Variants in CTNNA3 observed in about 807,000 individuals in gnomAD.
CTNNA3 encodes catenin alpha-3.
In CTNNA3, 76 loss-of-function variants were observed where a neutral mutation model predicts 95.7. That is an observed-to-expected ratio of 0.79 (90% CI 0.66 to 0.96). The LOEUF (loss-of-function observed/expected upper bound fraction) is 0.96, where lower values mean the gene tolerates loss of function less well. Ranked by LOEUF, CTNNA3 falls within the 40% of genes least tolerant of loss-of-function variation. The pLI, the probability that CTNNA3 is intolerant of heterozygous loss-of-function variation, is 0.00. For missense variants in CTNNA3, 1,191 were observed against 1,089.8 expected, an observed-to-expected ratio of 1.09 and a Z score of -1.31; for synonymous variants, 431 against 374.4, an observed-to-expected ratio of 1.15 and a Z score of -1.74.
intron 10 of CTNNA3, among the ~76,000 whole-genome samples, chr10:66,522,629 T>C (rs76437271): frequency 0.026 from 3,998 of 152,030 alleles, 180 homozygotes; most frequent in African/African-American, 0.091. Context: ...TGTGGAGCTG[T>C]GGGTCAATTA....
At chr10:65,974,935 T>C (rs551779572) in intron 16 of CTNNA3, among the ~76,000 whole-genome samples, 1 of 152,292 alleles carries the variant, frequency 6.6e-6, no homozygotes, top group Non-Finnish European at 1.5e-5. Context: ...TCTAATGACC[T>C]AAACTGCAAA....
intron 9 of CTNNA3, among the ~76,000 whole-genome samples, chr10:66,765,900 A>T (rs1335775750): frequency 6.6e-6 from 1 of 152,190 alleles, no homozygotes; most frequent in Non-Finnish European, 1.5e-5. Context: ...ATGACTTGAA[A>T]GGCTGACAGA....
intron 5 of CTNNA3, among the ~76,000 whole-genome samples, chr10:67,518,214 T>A (rs942053830): frequency 3.9e-5 from 6 of 152,088 alleles, no homozygotes; most frequent in African/African-American, 1.4e-4. Context: ...GAGTATATCA[T>A]CAATCAAATG....
At chr10:66,368,391 C>T (rs952246063) in intron 12 of CTNNA3, among the ~76,000 whole-genome samples, 6 of 151,922 alleles carry the variant, frequency 3.9e-5, no homozygotes, top group Admixed American at 6.6e-5. Context: ...ATGTTTCCAG[C>T]TGCTTTCTAT....
chr10:67,230,918 G>A (rs930768972), intron 5 of CTNNA3, among the ~76,000 whole-genome samples: 7 of 152,188 alleles, frequency 4.6e-5, no homozygotes, highest in South Asian at 2.1e-4. Context: ...GTGACAGACC[G>A]CACCTGGAAG....
intron 13 of CTNNA3, among the ~76,000 whole-genome samples, chr10:66,257,470 G>A (rs979644408): frequency 6.6e-6 from 1 of 152,124 alleles, no homozygotes; most frequent in Admixed American, 6.5e-5. Flanking sequence ...AAAATTACAT[G>A]CTAATTTACA....
chr10:66,255,244 C>T lies in CTNNA3; in HGVS notation c.1884+25226G>A, dbSNP rs115257341. Among the ~76,000 whole-genome samples, 272 of 152,286 alleles carry T rather than the reference C, an allele frequency of 1.8e-3. 2 individuals carry two copies. Among genetic ancestry groups the T allele is most frequent in the African/African-American group, 6.4e-3 (266 of 41,562 alleles). On this transcript the variant is annotated intron_variant, in intron 13 of 17. Transcript: ENST00000433211. ...GGGTAGGCCCTCTATCCATGGTAGG[C>T]ACCCCCAGATAGAGTGAGCAAAGGG...
intron 5 of CTNNA3, among the ~76,000 whole-genome samples, chr10:67,456,951 C>A (rs1847196297): frequency 1.3e-5 from 2 of 152,038 alleles, no homozygotes; most frequent in Admixed American, 1.3e-4. Context: ...AAAAACATAT[C>A]CTGGATTATT....
chr10:67,369,627 G>A (rs1470368641), intron 5 of CTNNA3, among the ~76,000 whole-genome samples: 1 of 152,006 alleles, frequency 6.6e-6, no homozygotes, highest in Non-Finnish European at 1.5e-5. Flanking sequence ...TATTTTAAAA[G>A]CTCCTAAAAA....
chr10:66,419,514 ATT>A (rs1230285683), intron 11 of CTNNA3, among the ~76,000 whole-genome samples: 1 of 152,130 alleles, frequency 6.6e-6, no homozygotes, highest in Non-Finnish European at 1.5e-5. Context: ...CACTAATGCC[ATT>A]TTTCACAGAA....
chr10:67,588,538 G>A (rs1241560762), intron 3 of CTNNA3, among the ~76,000 whole-genome samples: 6 of 151,704 alleles, frequency 4.0e-5, no homozygotes, highest in African/African-American at 1.5e-4. Flanking sequence ...TATGGGGGGG[G>A]GACTGGATTG....
At chr10:66,851,907 C>T (rs952467725) in intron 7 of CTNNA3, among the ~76,000 whole-genome samples, 12 of 152,058 alleles carry the variant, frequency 7.9e-5, no homozygotes, top group Non-Finnish European at 1.3e-4. Context: ...ACTGACTGCT[C>T]AAGTCTCACT....
chr10:67,182,234 T>A (rs2132144601), intron 6 of CTNNA3, among the ~76,000 whole-genome samples: 1 of 152,182 alleles, frequency 6.6e-6, no homozygotes, highest in East Asian at 1.9e-4. Context: ...CATCAGCAAG[T>A]CAATCCTAAG....
chr10:65,963,278 A>G, intron 17 of CTNNA3, among the ~76,000 whole-genome samples: 1 of 152,152 alleles, frequency 6.6e-6, no homozygotes. Context: ...TCCACAAAAC[A>G]CACACCAAAA....
intron 5 of CTNNA3, among the ~76,000 whole-genome samples, chr10:67,498,118 G>A (rs1260056387): frequency 6.6e-6 from 1 of 152,186 alleles, no homozygotes; most frequent in Non-Finnish European, 1.5e-5. Flanking sequence ...TGTATAAGGT[G>A]TAAGGAAGGG....
intron 17 of CTNNA3, among the ~76,000 whole-genome samples, chr10:65,951,892 T>C (rs1345690702): frequency 6.6e-6 from 1 of 151,944 alleles, no homozygotes; most frequent in Non-Finnish European, 1.5e-5. Flanking sequence ...TAGCCGGGCG[T>C]GATGGCGGGC....
chr10:66,965,990 T>A (rs911247556), intron 7 of CTNNA3, among the ~76,000 whole-genome samples: 4 of 152,190 alleles, frequency 2.6e-5, no homozygotes, highest in Admixed American at 2.6e-4. Flanking sequence ...CTCAGTACCA[T>A]AAAGGCAGTG....
At chr10:67,080,936 CA>C (rs58476986) in intron 7 of CTNNA3, among the ~76,000 whole-genome samples, 109 of 31,394 alleles carry the variant, frequency 3.5e-3, no homozygotes, top group Admixed American at 5.9e-3. Flanking sequence ...AAAAAAACAA[CA>C]AAAAAAAAAA....
intron 7 of CTNNA3, among the ~76,000 whole-genome samples, chr10:66,948,582 G>T (rs551444359): frequency 7.2e-4 from 110 of 152,130 alleles, no homozygotes; most frequent in African/African-American, 2.6e-3. Context: ...TTGATTTATG[G>T]AGCTTAACCA....
Sources: gnomAD v4.1 joint callset for allele counts (sites outside exome capture counted in the v4.1 genomes callset) on GRCh38, gnomAD v4.1.1 for gene constraint, MANE v1.5 for transcripts, NCBI Gene and HGNC (gene_info 2026-07-23, HGNC 2026-07-21) for gene names.